MGAT4D: variants seen among roughly 807,000 people sequenced by gnomAD.
The protein encoded by MGAT4D is alpha-1,3-mannosyl-glycoprotein 4-beta-N-acetylglucosaminyltransferase-like protein MGAT4D.
Under a neutral mutation model 15.9 loss-of-function variants are expected in MGAT4D, and 34 were observed. The ratio of observed to expected loss-of-function variants is 2.14; its 90% CI spans 1.62 to 2.84. The LOEUF (loss-of-function observed/expected upper bound fraction) is 2.84, where lower values mean the gene tolerates loss of function less well. Ranked by LOEUF, MGAT4D falls within the 30% of genes most tolerant of loss-of-function variation. MGAT4D has a pLI of 0.00. For synonymous variants in MGAT4D, 112 were observed against 48.2 expected, an observed-to-expected ratio of 2.33 and a Z score of -5.49; for missense variants, 327 against 140.2, an observed-to-expected ratio of 2.33 and a Z score of -6.73.
intron 1 of MGAT4D, among the ~76,000 whole-genome samples, chr4:140,484,622 G>A (rs1020420407): frequency 1.8e-4 from 27 of 152,238 alleles, no homozygotes; most frequent in Admixed American, 1.6e-3. Context: ...GCAACCTACA[G>A]AATGGGAGAA....
intron 1 of MGAT4D, among the ~76,000 whole-genome samples, chr4:140,483,150 G>C (rs1732857408): frequency 6.6e-6 from 1 of 152,110 alleles, no homozygotes; most frequent in African/African-American, 2.4e-5. Flanking sequence ...CTCTGCCTCA[G>C]AGCTGTTGTG....
intron 5 of MGAT4D, among the ~76,000 whole-genome samples, chr4:140,470,025 C>G (rs78035907): frequency 0.098 from 14,920 of 152,308 alleles, 976 homozygotes; most frequent in East Asian, 0.19. Flanking sequence ...GCCAAGGATG[C>G]GCCTCCTCTT....
chr4:140,454,993 T>G (rs1179040684), intron 9 of MGAT4D, among the ~76,000 whole-genome samples: 1 of 152,208 alleles, frequency 6.6e-6, no homozygotes, highest in African/African-American at 2.4e-5. Flanking sequence ...TATTAGAAAC[T>G]TAGCAGTTTT....
chr4:140,462,026 T>C lies in MGAT4D; in HGVS notation c.687-22A>G, dbSNP rs892070220. 2.2e-5 allele frequency: 15 copies of C among 693,990 alleles called. No homozygotes were observed. In the Admixed American group the frequency reaches 2.9e-4, roughly 13 times the overall value. The allele number at this position is 693,990 out of a possible 1,614,324, so 43.0% of individuals were successfully genotyped here. A position where few individuals can be genotyped will look rare whatever the true frequency, so the allele number is the denominator to read the frequency against. ...CCAACTAAAGGTAATCAATAAGATCTGTTAATATTTGTCATTATTAATTTT... is the reference window on the plus strand; with the variant it reads ...CCAACTAAAGGTAATCAATAAGATCCGTTAATATTTGTCATTATTAATTTT... On this transcript the variant is annotated intron_variant, in intron 6 of 10. Transcript: ENST00000511113.
chr4:140,497,324 C>T (rs1243949929), intron 1 of MGAT4D, among the ~76,000 whole-genome samples: 1 of 151,774 alleles, frequency 6.6e-6, no homozygotes, highest in Non-Finnish European at 1.5e-5. Context: ...TTTTACACCG[C>T]GGACAACTAG....
At chr4:140,494,952 CTTCT>C (rs1197468792) in intron 1 of MGAT4D, among the ~76,000 whole-genome samples, 2 of 152,168 alleles carry the variant, frequency 1.3e-5, no homozygotes, top group African/African-American at 4.8e-5. Flanking sequence ...CCGCAATTCT[CTTCT>C]TTCTTTCATA....
Position 140,498,134 on chromosome 4 carries a change from T to C in MGAT4D, c.89A>G (p.Gln30Arg), listed in dbSNP as rs768154811. 1 of 700,418 alleles carries C rather than the reference T, an allele frequency of 1.4e-6. No individual in the cohort carries two copies. The highest frequency in any genetic ancestry group is 1.5e-5 in the South Asian group (1 of 67,244). The allele number at this position is 700,418 out of a possible 1,614,324, so 43.4% of individuals were successfully genotyped here. The change falls in exon 1 of 11, where the codon CAA becomes CGA. Residue 30 changes from glutamine to arginine, a missense_variant. Gln to Arg is a conservative substitution (Grantham distance 43). Coordinates refer to ENST00000511113, the MANE Select transcript of MGAT4D (RefSeq NM_001277353.2). ...FSCFSIYRIT[Q>R]TNNQLINCRN... is the part of the protein sequence containing the mutation. Reference sequence around the variant, plus strand: ...GAGGAGGGCCCGCCGCTTACTGGTTTGAGTTATCCTGTAGATGGAGAAGCA... The same window carrying C: ...GAGGAGGGCCCGCCGCTTACTGGTTCGAGTTATCCTGTAGATGGAGAAGCA...
chr4:140,451,277 G>A (rs1730456923), intron 10 of MGAT4D, 133 bp downstream of exon 10: 1 of 384,442 alleles, frequency 2.6e-6, no homozygotes, highest in African/African-American at 2.1e-5. Context: ...ACAACATACA[G>A]TACTGTCATA....
intron 1 of MGAT4D, among the ~76,000 whole-genome samples, chr4:140,497,479 C>T (rs574106571): frequency 1.3e-5 from 2 of 152,314 alleles, no homozygotes; most frequent in African/African-American, 4.8e-5. Flanking sequence ...ACTGGGCAAC[C>T]TGTACCTTTG....
At chr4:140,449,395 TAGATGA>T (rs1357976446) in intron 10 of MGAT4D, among the ~76,000 whole-genome samples, 3 of 152,150 alleles carry the variant, frequency 2.0e-5, no homozygotes, top group Non-Finnish European at 4.4e-5. Flanking sequence ...AACTACAAGC[TAGATGA>T]ATAGAGATAA....
chr4:140,489,466 T>G (rs1054720682), intron 1 of MGAT4D, among the ~76,000 whole-genome samples: 7 of 152,164 alleles, frequency 4.6e-5, no homozygotes, highest in Non-Finnish European at 1.0e-4. Context: ...GCCTTAGATA[T>G]TCTACTTGTT....
intron 4 of MGAT4D, among the ~76,000 whole-genome samples, chr4:140,474,166 T>C (rs940648585): frequency 6.6e-6 from 1 of 152,190 alleles, no homozygotes; most frequent in African/African-American, 2.4e-5. Flanking sequence ...TATATAGTTT[T>C]AAATGGTATT....
At chr4:140,451,377 G>A (rs1376165685) in intron 10 of MGAT4D, 33 bp downstream of exon 10, 2 of 553,254 alleles carry the variant, frequency 3.6e-6, no homozygotes, top group South Asian at 2.5e-5. Context: ...ATAAAACATT[G>A]TATGTTACTA....
chr4:140,480,448 C>T (rs1434245531), intron 2 of MGAT4D, among the ~76,000 whole-genome samples: 1 of 151,768 alleles, frequency 6.6e-6, no homozygotes. Context: ...TACAATATAA[C>T]AATACAAAAA....
chr4:140,488,654 A>G (rs1357239074), intron 1 of MGAT4D, among the ~76,000 whole-genome samples: 1 of 152,196 alleles, frequency 6.6e-6, no homozygotes, highest in Admixed American at 6.5e-5. Context: ...CTCAGAAAAC[A>G]ACACCATAAG....
intron 1 of MGAT4D, among the ~76,000 whole-genome samples, chr4:140,488,324 G>A (rs1056731600): frequency 3.3e-5 from 5 of 152,200 alleles, no homozygotes; most frequent in African/African-American, 1.2e-4. Context: ...CATGTGCTAT[G>A]TATGTGGTAG....
chr4:140,456,321 G>GT lies in MGAT4D; in HGVS notation c.1008+267dup, dbSNP rs1560768691. Among the ~76,000 whole-genome samples the GT allele has an allele frequency of 3.9e-5, 6 of 152,048 alleles. No individual in the cohort carries two copies. In the South Asian group the frequency reaches 1.2e-3, roughly 32 times the overall value. Reference sequence around the variant, plus strand: ...TGTATTTTAATCATTTATATTTAATGTAAGTATTGGCATGTTTGAATTTAC... The same window carrying GT: ...TGTATTTTAATCATTTATATTTAATGTTAAGTATTGGCATGTTTGAATTTAC... On this transcript the variant is annotated intron_variant, in intron 9 of 10. Coordinates refer to ENST00000511113, the MANE Select transcript of MGAT4D (RefSeq NM_001277353.2).
chr4:140,486,178 G>A (rs1733114815), intron 1 of MGAT4D, among the ~76,000 whole-genome samples: 1 of 151,954 alleles, frequency 6.6e-6, no homozygotes, highest in African/African-American at 2.4e-5. Context: ...TAGGGCTTTG[G>A]CTTTTGCAGT....
intron 6 of MGAT4D, 94 bp from the exon 7 acceptor site, chr4:140,462,098 C>T (rs2095249172): frequency 1.6e-6 from 1 of 619,948 alleles, no homozygotes; most frequent in South Asian, 2.0e-5. Flanking sequence ...TGGCAGTTTA[C>T]TAACAGTACT....
Sources: gnomAD v4.1 joint callset for allele counts (sites outside exome capture counted in the v4.1 genomes callset) on GRCh38, gnomAD v4.1.1 for gene constraint, MANE v1.5 for transcripts, NCBI Gene and HGNC (gene_info 2026-07-23, HGNC 2026-07-21) for gene names.